Variants in SOX5 observed in about 807,000 individuals in gnomAD.
The protein encoded by SOX5 is transcription factor SOX-5.
SOX5 carries 9 observed loss-of-function variants against 92.0 expected under a neutral mutation model. The ratio of observed to expected loss-of-function variants is 0.10; its 90% confidence interval spans 0.06 to 0.17. The LOEUF is 0.17. Ranked by LOEUF, SOX5 falls within the 10% of genes least tolerant of loss-of-function variation. The probability of loss-of-function intolerance (pLI) is 1.00; values close to 1 mark genes in which losing one functional copy is unlikely to be tolerated. For synonymous variants in SOX5, 344 were observed against 336.3 expected (o/e 1.02, Z -0.25); for missense variants, 642 against 944.5 (o/e 0.68, Z 4.20).
At chr12:24,453,886 A>C (rs564858063) in intron 1 of SOX5, among the ~76,000 whole-genome samples, 1 of 152,204 alleles carries the variant, frequency 6.6e-6, no homozygotes, top group Non-Finnish European at 1.5e-5. Flanking sequence ...CTGATTCAGC[A>C]TGACATAATA....
chr12:23,987,136 A>T (rs567740292), intron 4 of SOX5, among the ~76,000 whole-genome samples: 1 of 152,332 alleles, frequency 6.6e-6, no homozygotes, highest in East Asian at 1.9e-4. Flanking sequence ...CTATAACAGA[A>T]AATAAGACAG....
intron 1 of SOX5, among the ~76,000 whole-genome samples, chr12:24,539,371 T>G (rs542435949): frequency 6.6e-6 from 1 of 152,270 alleles, no homozygotes; most frequent in Non-Finnish European, 1.5e-5. Flanking sequence ...ATAAATCACA[T>G]ATCATGTTAA....
intron 4 of SOX5, among the ~76,000 whole-genome samples, chr12:24,173,652 G>T (rs959386813): frequency 3.3e-5 from 5 of 152,098 alleles, no homozygotes; most frequent in Non-Finnish European, 7.4e-5. Context: ...ATTGCCTGAG[G>T]AGTTCAGTAG....
chr12:23,564,911 A>C (rs1946810374), intron 10 of SOX5, among the ~76,000 whole-genome samples: 1 of 152,220 alleles, frequency 6.6e-6, no homozygotes, highest in Non-Finnish European at 1.5e-5. Context: ...CCGATGTCAG[A>C]AACTGATGTA....
intron 2 of SOX5, among the ~76,000 whole-genome samples, chr12:24,310,987 T>C (rs1239717096): frequency 6.6e-6 from 1 of 152,190 alleles, no homozygotes; most frequent in Non-Finnish European, 1.5e-5. Context: ...ACCCAAAATA[T>C]GGGACCTTGA....
chr12:24,432,720 A>G (rs1973564), intron 1 of SOX5, among the ~76,000 whole-genome samples: 89,615 of 151,896 alleles, frequency 0.59, 26,988 homozygotes, highest in East Asian at 0.98. Context: ...GCTGAGGCAG[A>G]AGAATCCTTT....
chr12:23,786,398 G>GTTA (rs2095378206), intron 3 of SOX5, among the ~76,000 whole-genome samples: 1 of 151,616 alleles, frequency 6.6e-6, no homozygotes, highest in Non-Finnish European at 1.5e-5. Flanking sequence ...GATATTCCTT[G>GTTA]GTAACCAAGG....
At chr12:23,874,841 T>C (rs2096910634) in intron 2 of SOX5, among the ~76,000 whole-genome samples, 1 of 152,148 alleles carries the variant, frequency 6.6e-6, no homozygotes, top group African/African-American at 2.4e-5. Context: ...TACAGCAAAG[T>C]CCTCGATATC....
chr12:24,145,186 CAACA>C (rs1950954584), intron 4 of SOX5, among the ~76,000 whole-genome samples: 1 of 152,092 alleles, frequency 6.6e-6, no homozygotes, highest in Non-Finnish European at 1.5e-5. Context: ...AATGCTATGA[CAACA>C]AACAAGTAGT....
chr12:23,975,277 C>G (rs963914149), intron 4 of SOX5, among the ~76,000 whole-genome samples: 4 of 151,818 alleles, frequency 2.6e-5, no homozygotes, highest in African/African-American at 7.3e-5. Context: ...ATCCTCGATA[C>G]TATAACAATA....
chr12:24,479,681 G>T (rs184626856), intron 1 of SOX5, among the ~76,000 whole-genome samples: 29 of 150,488 alleles, frequency 1.9e-4, no homozygotes, highest in Admixed American at 1.3e-3. Flanking sequence ...TTTTTGGTGT[G>T]GGGGGACAGA....
intron 4 of SOX5, among the ~76,000 whole-genome samples, chr12:23,970,788 A>G (rs1435827669): frequency 2.5e-5 from 3 of 121,586 alleles, no homozygotes; most frequent in Non-Finnish European, 5.1e-5. Flanking sequence ...TCTTTTGGGT[A>G]TATAACTAAG....
chr12:24,168,975 AAAT>A (rs1016118289), intron 4 of SOX5, among the ~76,000 whole-genome samples: 54 of 152,306 alleles, frequency 3.5e-4, no homozygotes, highest in African/African-American at 1.2e-3. Context: ...TCCAAAAAAA[AAAT>A]AATAATAAGA....
chr12:24,194,504 A>G (rs1237199028), intron 4 of SOX5, among the ~76,000 whole-genome samples: 1 of 152,184 alleles, frequency 6.6e-6, no homozygotes, highest in Non-Finnish European at 1.5e-5. Flanking sequence ...ATAGATTGAT[A>G]AAAATGTATG....
At chr12:24,084,544 C>G (rs886914728) in intron 4 of SOX5, among the ~76,000 whole-genome samples, 1 of 151,930 alleles carries the variant, frequency 6.6e-6, no homozygotes, top group Non-Finnish European at 1.5e-5. Context: ...AAAAATAGTC[C>G]TCTATACATT....
chr12:24,034,795 T>G (rs1045428843), intron 4 of SOX5, among the ~76,000 whole-genome samples: 4 of 152,088 alleles, frequency 2.6e-5, no homozygotes, highest in South Asian at 4.1e-4. Context: ...TGTTTGTGTG[T>G]TTTACTATTT....
intron 4 of SOX5, among the ~76,000 whole-genome samples, chr12:23,973,834 A>G (rs1948619944): frequency 1.3e-5 from 2 of 152,136 alleles, no homozygotes; most frequent in African/African-American, 2.4e-5. Context: ...TGGAAACCCT[A>G]TTGGGAACTG....
intron 3 of SOX5, among the ~76,000 whole-genome samples, chr12:24,248,158 C>T (rs1174757419): frequency 6.6e-6 from 1 of 152,122 alleles, no homozygotes. Flanking sequence ...ACAGAAACAG[C>T]AAGAACAGGA....
chr12:23,601,232 C>T (rs2074457045), intron 9 of SOX5, among the ~76,000 whole-genome samples: 1 of 152,050 alleles, frequency 6.6e-6, no homozygotes, highest in Non-Finnish European at 1.5e-5. Flanking sequence ...CTTTCGATTT[C>T]CCCCTTCCAT....
Sources: gnomAD v4.1 joint callset for allele counts (sites outside exome capture counted in the v4.1 genomes callset) on GRCh38, gnomAD v4.1.1 for gene constraint, MANE v1.5 for transcripts, NCBI Gene and HGNC (gene_info 2026-07-23, HGNC 2026-07-21) for gene names.